The following WASF3 variants were observed in gnomAD, a reference collection of about 807,000 sequenced individuals.
WASF3 encodes the protein WASP family member 3.
A neutral mutation model predicts 46.6 loss-of-function variants in WASF3; 11 were observed. The observed-to-expected ratio is 0.24, with a 90% CI of 0.15 to 0.39. WASF3 has a LOEUF of 0.39. WASF3 is among the 10% of genes least tolerant of loss of function. The pLI is 1.00. For missense variants in WASF3, 576 were observed against 669.8 expected (o/e 0.86, Z 1.55); for synonymous variants, 242 against 259.7 (o/e 0.93, Z 0.65).
At chr13:26,674,428 T>C in intron 6 of WASF3, among the ~76,000 whole-genome samples, 1 of 152,180 alleles carries the variant, frequency 6.6e-6, no homozygotes, top group East Asian at 1.9e-4. Context: ...TTTTTCAAAG[T>C]ACACACCCAA....
At chr13:26,585,741 G>A (rs1880110517) in intron 1 of WASF3, among the ~76,000 whole-genome samples, 1 of 151,948 alleles carries the variant, frequency 6.6e-6, no homozygotes, top group Non-Finnish European at 1.5e-5. Context: ...CCATATAATG[G>A]TCTTACCTAG....
chr13:26,564,918 T>TTC (rs1438329440), intron 1 of WASF3, among the ~76,000 whole-genome samples: 2 of 149,012 alleles, frequency 1.3e-5, no homozygotes, highest in Non-Finnish European at 1.5e-5. Flanking sequence ...TTTTTTTTTT[T>TTC]TTTTTGCCTG....
intron 9 of WASF3, among the ~76,000 whole-genome samples, chr13:26,684,240 G>GT (rs1325965050): frequency 6.6e-6 from 1 of 151,312 alleles, no homozygotes; most frequent in Admixed American, 6.6e-5. Context: ...TGAATATCAA[G>GT]TTCGGGGTCA....
chr13:26,614,853 T>C (rs1440990662), intron 2 of WASF3, among the ~76,000 whole-genome samples: 1 of 151,998 alleles, frequency 6.6e-6, no homozygotes, highest in African/African-American at 2.4e-5. Flanking sequence ...AGGTCTCAGC[T>C]CTTGAAGAAC....
intron 3 of WASF3, among the ~76,000 whole-genome samples, chr13:26,663,552 A>T (rs188138309): frequency 6.6e-6 from 1 of 152,338 alleles, no homozygotes; most frequent in East Asian, 1.9e-4. Flanking sequence ...CTGAAAGCTG[A>T]AATCTGGGTT....
chr13:26,578,297 T>A (rs1361594550), intron 1 of WASF3, among the ~76,000 whole-genome samples: 1 of 152,170 alleles, frequency 6.6e-6, no homozygotes, highest in African/African-American at 2.4e-5. Context: ...GGTTGAAAAA[T>A]TTTTCTTCTA....
chr13:26,618,975 A>G lies in WASF3; in HGVS notation c.-11+5917A>G, dbSNP rs1002784747. 3 of 152,080 alleles carry G rather than the reference A, an allele frequency of 2.0e-5. 1 individual carries two copies. Among genetic ancestry groups the G allele is most frequent in the African/African-American group, 7.2e-5 (3 of 41,404 alleles). The allele number at this position is 152,080 out of a possible 1,614,324, so 9.4% of individuals were successfully genotyped here. A position where few individuals can be genotyped will look rare whatever the true frequency, so the allele number is the denominator to read the frequency against. Reference sequence around the variant, plus strand: ...CTTTAATCTCATCCCGTTGCCTTTCAACTTTGGAGGTTATCTATCATTTGT... The same window carrying G: ...CTTTAATCTCATCCCGTTGCCTTTCGACTTTGGAGGTTATCTATCATTTGT... On this transcript the variant is annotated intron_variant, in intron 2 of 9. Coordinates refer to ENST00000335327, the MANE Select transcript of WASF3 (RefSeq NM_006646.6).
intron 1 of WASF3, among the ~76,000 whole-genome samples, chr13:26,600,747 C>T (rs990705672): frequency 1.3e-5 from 2 of 152,196 alleles, no homozygotes; most frequent in Admixed American, 6.5e-5. Context: ...CACCAAAAGA[C>T]GAACAGGAGC....
At chr13:26,579,324 A>G (rs1176268359) in intron 1 of WASF3, among the ~76,000 whole-genome samples, 1 of 152,064 alleles carries the variant, frequency 6.6e-6, no homozygotes, top group Non-Finnish European at 1.5e-5. Context: ...GATAGTGATG[A>G]CTATTATTAA....
At chr13:26,601,302 A>T (rs2137202388) in intron 1 of WASF3, among the ~76,000 whole-genome samples, 1 of 152,322 alleles carries the variant, frequency 6.6e-6, no homozygotes, top group Non-Finnish European at 1.5e-5. Context: ...TTTAATTTTA[A>T]TTCTGTTGAC....
At chr13:26,658,805 C>T (rs1882541245) in intron 3 of WASF3, among the ~76,000 whole-genome samples, 1 of 152,200 alleles carries the variant, frequency 6.6e-6, no homozygotes, top group South Asian at 2.1e-4. Context: ...CAGCTTAGGG[C>T]ATTGTGGAGC....
intron 1 of WASF3, chr13:26,576,825 A>G: frequency 2.2e-6 from 1 of 460,102 alleles, no homozygotes; most frequent in Non-Finnish European, 3.8e-6. Flanking sequence ...CTCCAGTGGT[A>G]ACATCCTACG....
chr13:26,624,994 G>A (rs1377775491), intron 2 of WASF3, among the ~76,000 whole-genome samples: 2 of 152,102 alleles, frequency 1.3e-5, no homozygotes, highest in African/African-American at 4.8e-5. Context: ...GAAATGAAAG[G>A]AAGTTCTTGG....
In WASF3 at chr13:26,685,087, CA is replaced by C. The variant is rs57659738; in HGVS notation, c.1352-584del. On this transcript the variant is annotated intron_variant, in intron 9 of 9. Coordinates refer to ENST00000335327, the MANE Select transcript of WASF3 (RefSeq NM_006646.6). Reference sequence around the variant, plus strand: ...TGGGTCACAGAGTGAGACCCAATCTCAAAAAAAAAAAAAAAAATGGATAAAC... The same window carrying C: ...TGGGTCACAGAGTGAGACCCAATCTCAAAAAAAAAAAAAAAATGGATAAAC... Among the ~76,000 whole-genome samples the C allele has an allele frequency of 3.5e-3, 475 of 134,574 alleles. 2 individuals are homozygous for C. Among genetic ancestry groups the C allele is most frequent in the South Asian group, 6.6e-3 (28 of 4,230 alleles). 88.3% of individuals were successfully genotyped at this position (134,574 alleles called of 152,430 possible).
At chr13:26,540,612 T>C in the WASF3 span, among the ~76,000 whole-genome samples, 1 of 152,220 alleles carries the variant, frequency 6.6e-6, no homozygotes, top group African/African-American at 2.4e-5. Context: ...CAGCTTGGAA[T>C]TGAGTAGGAT....
At chr13:26,633,216 T>TTTTTTTTC (rs1881711197) in intron 2 of WASF3, among the ~76,000 whole-genome samples, 1 of 147,560 alleles carries the variant, frequency 6.8e-6, no homozygotes, top group East Asian at 2.0e-4. Flanking sequence ...TTTTTTTTTT[T>TTTTTTTTC]CTTGAGGCAG....
chr13:26,672,034 G>T, intron 6 of WASF3, 45 bp downstream of exon 6: 1 of 1,370,062 alleles, frequency 7.3e-7, no homozygotes, highest in Non-Finnish European at 1.0e-6. Flanking sequence ...GTGTTCAAAG[G>T]AGATTCTTGT....
At chr13:26,669,018 C>T (rs1566069362) in intron 5 of WASF3, among the ~76,000 whole-genome samples, 1 of 152,018 alleles carries the variant, frequency 6.6e-6, no homozygotes. Flanking sequence ...AGAAACCTCA[C>T]TGGAAATTCT....
intron 2 of WASF3, among the ~76,000 whole-genome samples, chr13:26,636,233 C>G (rs927666325): frequency 1.3e-5 from 2 of 152,370 alleles, no homozygotes; most frequent in African/African-American, 4.8e-5. Context: ...TGCCCCTCCC[C>G]CTGTCAGGCT....
Sources: allele counts gnomAD v4.1 joint callset (sites outside exome capture counted in the v4.1 genomes callset), GRCh38; gene constraint gnomAD v4.1.1; transcripts MANE v1.5; gene names NCBI Gene and HGNC (gene_info 2026-07-23, HGNC 2026-07-21).